Variants in BOLL observed in about 807,000 individuals in gnomAD.
BOLL encodes boule RNA binding protein, also known as protein boule-like.
Under a neutral mutation model 44.4 loss-of-function variants are expected in BOLL, and 23 were observed. That is an observed-to-expected ratio of 0.52 (90% CI 0.37 to 0.73). The LOEUF (loss-of-function observed/expected upper bound fraction) is 0.73, where lower values mean the gene tolerates loss of function less well. Ranked by LOEUF, BOLL falls within the 30% of genes least tolerant of loss-of-function variation. The pLI is 0.00. For synonymous variants in BOLL, 97 were observed against 110.8 expected, an observed-to-expected ratio of 0.88 and a Z score of 0.78; for missense variants, 287 against 338.3, an observed-to-expected ratio of 0.85 and a Z score of 1.19.
intron 7 of BOLL, chr2:197,759,124 G>T: frequency 1.3e-6 from 1 of 773,682 alleles, no homozygotes; most frequent in Non-Finnish European, 2.1e-6. Context: ...AGAATAAACA[G>T]CTACAATTTG....
intron 7 of BOLL, among the ~76,000 whole-genome samples, chr2:197,765,484 T>C (rs1447092276): frequency 6.6e-6 from 1 of 152,022 alleles, no homozygotes; most frequent in African/African-American, 2.4e-5. Flanking sequence ...TATTGAATGC[T>C]CCCAACACAA....
intron 10 of BOLL, among the ~76,000 whole-genome samples, chr2:197,741,043 T>C (rs906594250): frequency 1.2e-4 from 18 of 152,172 alleles, no homozygotes; most frequent in African/African-American, 4.3e-4. Context: ...TTGATGGGGA[T>C]GGCATTGAAT....
At chr2:197,768,841 A>G (rs1053378400) in intron 6 of BOLL, among the ~76,000 whole-genome samples, 1 of 149,470 alleles carries the variant, frequency 6.7e-6, no homozygotes, top group Non-Finnish European at 1.5e-5. Flanking sequence ...TTCCATCAAT[A>G]CCTAGTTTAT....
chr2:197,786,114 C>A, upstream of BOLL: 1 of 1,436,986 alleles, frequency 7.0e-7, no homozygotes, highest in Non-Finnish European at 9.2e-7. This position sits in a 1 kb window ranked among gnomAD's most constrained non-coding sequence, Gnocchi z 5.9. Flanking sequence ...CTCTCGCCCC[C>A]TGGCGGCGAG....
At chr2:197,781,964 T>G in intron 1 of BOLL, 99 bp from the exon 2 acceptor site, 1 of 1,039,868 alleles carries the variant, frequency 9.6e-7, no homozygotes, top group Non-Finnish European at 1.3e-6. Context: ...GAAGAGTCAT[T>G]TAGGCAAAAT....
chr2:197,775,483 G>T (rs1466198771), intron 5 of BOLL, among the ~76,000 whole-genome samples, 182 bp downstream of exon 5: 2 of 68,388 alleles, frequency 2.9e-5, no homozygotes, highest in Non-Finnish European at 2.7e-5. Context: ...TTTTTTCCCA[G>T]CCAAAAAAAT....
At chr2:197,783,061 G>A (rs755367491) in intron 1 of BOLL, among the ~76,000 whole-genome samples, 9 of 151,996 alleles carry the variant, frequency 5.9e-5, no homozygotes, top group Non-Finnish European at 1.0e-4. Flanking sequence ...TCAAGAACTG[G>A]TGAATTATTT....
intron 7 of BOLL, among the ~76,000 whole-genome samples, chr2:197,761,020 G>T (rs73054819): frequency 0.22 from 33,289 of 152,020 alleles, 3,748 homozygotes; most frequent in East Asian, 0.27. Context: ...AAATGAAGGA[G>T]AAATACGATC....
intron 10 of BOLL, among the ~76,000 whole-genome samples, chr2:197,729,315 C>T (rs185630227): frequency 2.6e-5 from 4 of 152,202 alleles, no homozygotes; most frequent in South Asian, 2.1e-4. Context: ...GAGGGTCCTA[C>T]GCCCACGGAG....
At chr2:197,765,117 G>T (rs1447557616) in intron 7 of BOLL, among the ~76,000 whole-genome samples, 1 of 152,034 alleles carries the variant, frequency 6.6e-6, no homozygotes, top group Non-Finnish European at 1.5e-5. Context: ...ACTCATAAGT[G>T]GGAGCTAAGC....
chr2:197,764,260 C>T (rs1487786328), intron 7 of BOLL, among the ~76,000 whole-genome samples: 1 of 152,130 alleles, frequency 6.6e-6, no homozygotes, highest in Non-Finnish European at 1.5e-5. Flanking sequence ...CAGCATTATT[C>T]ACAATAGCCA....
chr2:197,775,091 G>A (rs1242138007), intron 5 of BOLL, among the ~76,000 whole-genome samples: 1 of 151,768 alleles, frequency 6.6e-6, no homozygotes, highest in African/African-American at 2.4e-5. Context: ...CTATAAAGAT[G>A]CCTAACTTAA....
chr2:197,777,138 TA>T, intron 3 of BOLL, 25 bp from the exon 4 acceptor site: 1 of 1,391,386 alleles, frequency 7.2e-7, no homozygotes, highest in Non-Finnish European at 9.8e-7. Context: ...TAATTATTAC[TA>T]ATTAATCATT....
chr2:197,772,099 AT>A (rs1262521881), intron 5 of BOLL, 117 bp from the exon 6 acceptor site: 1 of 816,624 alleles, frequency 1.2e-6, no homozygotes, highest in African/African-American at 1.8e-5. Context: ...TATGGTAAAA[AT>A]TGAATGTCAC....
chr2:197,776,120 G>A (rs1384571266), intron 4 of BOLL, among the ~76,000 whole-genome samples: 1 of 151,642 alleles, frequency 6.6e-6, no homozygotes, highest in East Asian at 1.9e-4. Context: ...GTCAAATAAG[G>A]CGATATTCTT....
intron 7 of BOLL, among the ~76,000 whole-genome samples, chr2:197,763,219 A>G (rs1433060959): frequency 6.6e-6 from 1 of 152,190 alleles, no homozygotes; most frequent in Non-Finnish European, 1.5e-5. Flanking sequence ...ACGGTGGCTG[A>G]CGCCTGTAAT....
intron 10 of BOLL, among the ~76,000 whole-genome samples, chr2:197,741,941 A>T (rs983759829): frequency 3.3e-5 from 5 of 152,244 alleles, no homozygotes; most frequent in African/African-American, 1.2e-4. Context: ...TAATATCCAG[A>T]ATCTACAATG....
chr2:197,745,174 A>G (rs1687935957), intron 9 of BOLL, among the ~76,000 whole-genome samples: 1 of 152,184 alleles, frequency 6.6e-6, no homozygotes, highest in Non-Finnish European at 1.5e-5. Context: ...GCAATCTGGT[A>G]GTACTGAGGG....
intron 9 of BOLL, among the ~76,000 whole-genome samples, chr2:197,746,918 A>T (rs992647576): frequency 7.0e-6 from 1 of 142,496 alleles, no homozygotes; most frequent in Non-Finnish European, 1.5e-5. Flanking sequence ...AAAAAAAAAA[A>T]GCAGAGAGAA....
Sources: allele counts gnomAD v4.1 joint callset (sites outside exome capture counted in the v4.1 genomes callset), GRCh38; gene constraint gnomAD v4.1.1; non-coding constraint Gnocchi (gnomAD v3.1); transcripts MANE v1.5; gene names NCBI Gene and HGNC (gene_info 2026-07-23, HGNC 2026-07-21).